The following MAGI2 variants were observed in gnomAD, a reference collection of about 807,000 sequenced individuals.
MAGI2 encodes the protein membrane associated guanylate kinase, WW and PDZ domain containing 2.
MAGI2 carries 35 observed loss-of-function variants against 133.3 expected under a neutral mutation model. That is an observed-to-expected ratio of 0.26 (90% confidence interval 0.20 to 0.35). The LOEUF (loss-of-function observed/expected upper bound fraction) is 0.35, where lower values mean the gene tolerates loss of function less well. Among genes scored for constraint, MAGI2 ranks in the 10% least tolerant of loss-of-function variants. MAGI2 has a pLI of 1.00. For synonymous variants in MAGI2, 729 were observed against 710.6 expected, an observed-to-expected ratio of 1.03 and a Z score of -0.41; for missense variants, 1,636 against 1,863.4, an observed-to-expected ratio of 0.88 and a Z score of 2.25.
chr7:78,667,614 C>A (rs1259685587), intron 2 of MAGI2, among the ~76,000 whole-genome samples: 2 of 134,680 alleles, frequency 1.5e-5, no homozygotes, highest in Non-Finnish European at 3.1e-5. Flanking sequence ...TTGTTCAATT[C>A]CCACCTATGA....
At chr7:79,181,614 C>T (rs566292354) in intron 1 of MAGI2, among the ~76,000 whole-genome samples, 7 of 152,028 alleles carry the variant, frequency 4.6e-5, no homozygotes, top group Non-Finnish European at 1.0e-4. Flanking sequence ...AGACATTTTT[C>T]CCATTGTCTT....
chr7:78,962,433 A>G (rs1377666458), intron 2 of MAGI2, among the ~76,000 whole-genome samples: 1 of 151,570 alleles, frequency 6.6e-6, no homozygotes, highest in African/African-American at 2.4e-5. Flanking sequence ...ACAGATCATC[A>G]TAGAGAGACC....
chr7:78,525,273 C>T (rs1796853202), intron 3 of MAGI2, among the ~76,000 whole-genome samples: 1 of 152,096 alleles, frequency 6.6e-6, no homozygotes. Context: ...ACTCTTACTA[C>T]ACTTGACAAA....
At position 78,168,024 on chromosome 7, in the gene MAGI2, C is replaced by T; in HGVS notation, c.2488G>A (p.Gly830Arg). Reference sequence around the variant, plus strand: ...TGGGTTTTGCCGGCTACTGGAATCCCATCAACATACACAAGCTCATCTCCT... The same window carrying T: ...TGGGTTTTGCCGGCTACTGGAATCCTATCAACATACACAAGCTCATCTCCT... ...HPGDELVYVDGIPVAGKTHRY... is the reference protein window; with the variant it reads ...HPGDELVYVDRIPVAGKTHRY... Residue 830 changes from glycine (G) to arginine (R), a missense_variant, in exon 15 of 22, where the codon GGG (glycine) becomes AGG (arginine). Gly to Arg is a moderately radical substitution (Grantham distance 125). Coordinates refer to ENST00000354212, the MANE Select transcript of MAGI2 (RefSeq NM_012301.4). The T allele has an allele frequency of 1.2e-6, 2 of 1,614,188 alleles. No homozygotes were observed. The highest frequency in any genetic ancestry group is 2.2e-5 in the South Asian group (2 of 91,082).
Position 78,964,331 on chromosome 7 carries a change from T to C in MAGI2, c.418+42759A>G, listed in dbSNP as rs946782985. ...CACATATACTTTTATAGCATACTTT[T>C]AGAAGCTTAGCTTATATCATTTTCA... is the stretch of plus-strand genomic sequence containing the variant. On this transcript the variant is annotated intron_variant, in intron 2 of 21. Transcript: ENST00000354212. 3.3e-5 allele frequency among the ~76,000 whole-genome samples: 5 copies of C among 152,078 alleles called. No homozygotes were observed. In the East Asian group the frequency reaches 5.8e-4, roughly 18 times the overall value.
chr7:78,573,028 T>C (rs1415592699), intron 3 of MAGI2, among the ~76,000 whole-genome samples: 5 of 64,826 alleles, frequency 7.7e-5, no homozygotes, highest in African/African-American at 3.9e-4. Context: ...TATATATGCA[T>C]ATGTATGTAT....
chr7:78,803,783 A>T (rs536695866), intron 2 of MAGI2, among the ~76,000 whole-genome samples: 23 of 152,350 alleles, frequency 1.5e-4, no homozygotes, highest in African/African-American at 5.5e-4. Flanking sequence ...GTGACTAAAA[A>T]TTTACATAAT....
intron 6 of MAGI2, among the ~76,000 whole-genome samples, chr7:78,432,645 C>T (rs1298860559): frequency 6.6e-6 from 1 of 152,028 alleles, no homozygotes; most frequent in Non-Finnish European, 1.5e-5. Flanking sequence ...GAGAATTCCT[C>T]AAATGATAAA....
chr7:78,717,164 G>A (rs950990246), intron 2 of MAGI2, among the ~76,000 whole-genome samples: 4 of 152,072 alleles, frequency 2.6e-5, no homozygotes, highest in African/African-American at 4.8e-5. Flanking sequence ...GCTCGCTGGT[G>A]CTCCCCCTCC....
chr7:78,520,533 C>T (rs547904936), intron 4 of MAGI2, among the ~76,000 whole-genome samples: 11 of 151,708 alleles, frequency 7.3e-5, no homozygotes, highest in East Asian at 1.9e-4. Flanking sequence ...GCTTTAAATA[C>T]GGACCTTAGA....
At chr7:78,194,687 G>T (rs185959595) in intron 12 of MAGI2, among the ~76,000 whole-genome samples, 187 bp downstream of exon 12, 23 of 152,230 alleles carry the variant, frequency 1.5e-4, no homozygotes, top group African/African-American at 5.3e-4. Context: ...TAAGGCAAAA[G>T]ATATAATAAA....
intron 21 of MAGI2, among the ~76,000 whole-genome samples, chr7:78,065,079 C>T (rs1321101700): frequency 2.0e-5 from 3 of 151,858 alleles, no homozygotes; most frequent in Non-Finnish European, 4.4e-5. Context: ...GGATCTTGTC[C>T]TGATTGGATA....
At chr7:79,115,413 T>G (rs115953869) in intron 1 of MAGI2, among the ~76,000 whole-genome samples, 1,811 of 152,326 alleles carry the variant, frequency 0.012, 34 homozygotes, top group African/African-American at 0.04. Flanking sequence ...GCTCTGTTCT[T>G]TAGTCACAAG....
At chr7:78,411,630 T>C (rs886440630) in intron 6 of MAGI2, among the ~76,000 whole-genome samples, 1 of 151,990 alleles carries the variant, frequency 6.6e-6, no homozygotes, top group Non-Finnish European at 1.5e-5. Context: ...TCACTTAGGG[T>C]CATTTCTTGC....
chr7:79,402,901 C>T (rs576748744), intron 1 of MAGI2, among the ~76,000 whole-genome samples: 1 of 152,288 alleles, frequency 6.6e-6, no homozygotes, highest in East Asian at 1.9e-4. Flanking sequence ...CTTGTTCAAA[C>T]TTTGGTTCTA....
At chr7:78,222,166 A>C (rs1176836291) in intron 10 of MAGI2, among the ~76,000 whole-genome samples, 1 of 152,112 alleles carries the variant, frequency 6.6e-6, no homozygotes, top group Non-Finnish European at 1.5e-5. Flanking sequence ...GTGTCTTCTT[A>C]CACAAGAATG....
intron 9 of MAGI2, among the ~76,000 whole-genome samples, chr7:78,313,874 T>C (rs1158420778): frequency 6.6e-6 from 1 of 152,112 alleles, no homozygotes; most frequent in Admixed American, 6.6e-5. Context: ...TGATTTAAAA[T>C]GAATTATAGG....
intron 6 of MAGI2, among the ~76,000 whole-genome samples, chr7:78,451,608 C>T (rs1343649941): frequency 6.6e-6 from 1 of 152,050 alleles, no homozygotes; most frequent in African/African-American, 2.4e-5. Context: ...TATAGTTTAC[C>T]TATGCCTCAG....
intron 6 of MAGI2, among the ~76,000 whole-genome samples, chr7:78,434,055 C>T (rs1800048637): frequency 6.6e-6 from 1 of 152,088 alleles, no homozygotes; most frequent in Non-Finnish European, 1.5e-5. Flanking sequence ...TTGCTTTTTG[C>T]TTCAGTTGTT....
Sources: allele counts gnomAD v4.1 joint callset (sites outside exome capture counted in the v4.1 genomes callset), GRCh38; gene constraint gnomAD v4.1.1; transcripts MANE v1.5; gene names NCBI Gene and HGNC (gene_info 2026-07-23, HGNC 2026-07-21).